Variants in HIPK2 observed in about 807,000 individuals in gnomAD.
HIPK2 encodes the protein homeodomain interacting protein kinase 2.
Under a neutral mutation model 113.7 loss-of-function variants are expected in HIPK2, and 27 were observed. The observed-to-expected ratio is 0.24, with a 90% CI of 0.17 to 0.33. The LOEUF (loss-of-function observed/expected upper bound fraction) is 0.33, where lower values mean the gene tolerates loss of function less well. Ranked by LOEUF, HIPK2 falls within the 10% of genes least tolerant of loss-of-function variation. HIPK2 has a pLI of 1.00. For synonymous variants in HIPK2, 631 were observed against 642.2 expected, an observed-to-expected ratio of 0.98 and a Z score of 0.26; for missense variants, 1,257 against 1,588.0, an observed-to-expected ratio of 0.79 and a Z score of 3.54.
chr7:139,712,290 G>A (rs1375284902), intron 2 of HIPK2, among the ~76,000 whole-genome samples: 1 of 152,190 alleles, frequency 6.6e-6, no homozygotes, highest in Non-Finnish European at 1.5e-5. Context: ...TTGGCTCCGG[G>A]GACACCACCT....
At chr7:139,776,869 GTTC>G (rs1445504199) in intron 1 of HIPK2, among the ~76,000 whole-genome samples, 1 of 152,100 alleles carries the variant, frequency 6.6e-6, no homozygotes, top group African/African-American at 2.4e-5. Context: ...TCTGCCTTGC[GTTC>G]TTTTCTTTCT....
intron 2 of HIPK2, among the ~76,000 whole-genome samples, chr7:139,664,073 C>T (rs771465340): frequency 3.3e-5 from 5 of 152,248 alleles, no homozygotes; most frequent in African/African-American, 7.2e-5. Flanking sequence ...TTGGTCATCT[C>T]GCTTCAGCGT....
rs549262737 is a variant in HIPK2, at chr7:139,604,106, C to T, written c.2230G>A (p.Gly744Ser). The T allele has an allele frequency of 6.2e-7, 1 of 1,613,974 alleles. No homozygotes were observed. The highest frequency in any genetic ancestry group is 1.3e-5 in the African/African-American group (1 of 75,044). ...CTCCAGTCCGCCAGCTGCTGGGTGCCTGCCATGGTCTCGGGAATCACGGTG... is the reference window on the plus strand; with the variant it reads ...CTCCAGTCCGCCAGCTGCTGGGTGCTTGCCATGGTCTCGGGAATCACGGTG... The part of the protein sequence containing the change: ...HATVIPETMA[G>S]TQQLADWRNT... Residue 744 changes from glycine to serine, a missense_variant, in exon 10 of 15, where the codon GGC (glycine) becomes AGC (serine). Coordinates refer to ENST00000406875, the MANE Select transcript of HIPK2 (RefSeq NM_022740.5).
intron 1 of HIPK2, among the ~76,000 whole-genome samples, chr7:139,725,657 G>T (rs954169045): frequency 2.6e-5 from 4 of 152,116 alleles, no homozygotes; most frequent in Non-Finnish European, 4.4e-5. Flanking sequence ...TTCTCCTTTC[G>T]CCTTCTCTCT....
At position 139,731,304 on chromosome 7, in the gene HIPK2, C is replaced by T. The variant is rs118130945; in HGVS notation, c.20-14289G>A. Among the ~76,000 whole-genome samples the T allele has an allele frequency of 1.2e-3, 183 of 152,336 alleles. 2 individuals carry two copies. The East Asian group carries it at 0.029, about 24-fold the overall frequency. ...AGAAGCATCTACAGCTTTACTCCCA[C>T]GTTTTAGTCTTAATTCCTGCCAGGG... On this transcript the variant is annotated intron_variant, in intron 1 of 14. Coordinates refer to ENST00000406875, the MANE Select transcript of HIPK2 (RefSeq NM_022740.5).
At chr7:139,589,991 G>C (rs1040189763) in intron 12 of HIPK2, among the ~76,000 whole-genome samples, 1 of 152,174 alleles carries the variant, frequency 6.6e-6, no homozygotes, top group African/African-American at 2.4e-5. Context: ...AGAAAGCTCT[G>C]CGCTCTACCT....
intron 2 of HIPK2, among the ~76,000 whole-genome samples, chr7:139,704,478 T>C (rs1240138243): frequency 2.2e-5 from 3 of 135,924 alleles, no homozygotes; most frequent in Non-Finnish European, 4.7e-5. Flanking sequence ...ACCCAACACA[T>C]GCTACATGTG....
chr7:139,677,336 G>A (rs187852858), intron 2 of HIPK2, among the ~76,000 whole-genome samples: 10 of 151,946 alleles, frequency 6.6e-5, no homozygotes, highest in African/African-American at 2.2e-4. Context: ...CTTCTAGCTG[G>A]GTAAAGTGAC....
At chr7:139,668,817 T>TA (rs1383293113) in intron 2 of HIPK2, among the ~76,000 whole-genome samples, 1 of 152,230 alleles carries the variant, frequency 6.6e-6, no homozygotes, top group Non-Finnish European at 1.5e-5. Flanking sequence ...TTAGTTGAGA[T>TA]AAAATCCAGC....
intron 2 of HIPK2, among the ~76,000 whole-genome samples, chr7:139,681,829 G>C (rs902149196): frequency 1.3e-5 from 2 of 152,174 alleles, no homozygotes; most frequent in Non-Finnish European, 2.9e-5. Context: ...AAGGTCTGAT[G>C]TTCTCTGAGC....
At chr7:139,679,166 C>A (rs28508100) in intron 2 of HIPK2, among the ~76,000 whole-genome samples, 1 of 152,076 alleles carries the variant, frequency 6.6e-6, no homozygotes, top group African/African-American at 2.4e-5. Flanking sequence ...TTTCTCTTGC[C>A]GGATTGCCCT....
intron 2 of HIPK2, among the ~76,000 whole-genome samples, chr7:139,690,356 A>T (rs1794365907): frequency 6.6e-6 from 1 of 152,126 alleles, no homozygotes; most frequent in Non-Finnish European, 1.5e-5. Flanking sequence ...TGGCTTCCCT[A>T]TGCTACAGTT....
Position 139,600,437 on chromosome 7 carries a change from C to G in HIPK2, c.2415G>C (p.Lys805Asn), listed in dbSNP as rs1799381693. 3 of 1,613,564 alleles carry G rather than the reference C, an allele frequency of 1.9e-6. No homozygotes were observed. The highest frequency in any genetic ancestry group is 2.5e-6 in the Non-Finnish European group (3 of 1,179,856). ...CCTACCTCACAGATGACTGGTGCTGCTTACTCTTCCGGGAGGAGGTGGTGC... is the reference window on the plus strand; with the variant it reads ...CCTACCTCACAGATGACTGGTGCTGGTTACTCTTCCGGGAGGAGGTGGTGC... ...PTSTTSSRKS[K>N]QHQSSVRNVS... Residue 805 changes from lysine to asparagine, a missense_variant, in exon 11 of 15, where the codon AAG (lysine) becomes AAC (asparagine). Physicochemically the swap from Lys to Asn is moderately conservative, Grantham distance 94. Around this residue, in one of 5 missense-constraint regions of HIPK2, gnomAD observed 862 missense variants for 1,004.3 expected, o/e 0.86. Transcript: ENST00000406875.
intron 2 of HIPK2, among the ~76,000 whole-genome samples, chr7:139,686,878 C>T (rs1413423070): frequency 1.3e-5 from 2 of 152,214 alleles, no homozygotes; most frequent in South Asian, 2.1e-4. Context: ...GCATCACATG[C>T]TACAGAGAAC....
At chr7:139,623,763 C>T (rs62491683) in intron 6 of HIPK2, among the ~76,000 whole-genome samples, 1 of 152,054 alleles carries the variant, frequency 6.6e-6, no homozygotes, top group Admixed American at 6.5e-5. Context: ...CAGAAAGGGG[C>T]GGGTCCAGCC....
chr7:139,583,768 A>G (rs1798744191), intron 13 of HIPK2, 49 bp downstream of exon 13: 1 of 1,581,250 alleles, frequency 6.3e-7, no homozygotes, highest in Non-Finnish European at 8.6e-7. Flanking sequence ...AAAAGCAGGA[A>G]AACCACTCTC....
intron 2 of HIPK2, among the ~76,000 whole-genome samples, chr7:139,632,670 CCA>C (rs1800657712): frequency 1.3e-5 from 2 of 152,120 alleles, no homozygotes; most frequent in Non-Finnish European, 2.9e-5. Context: ...ACTAAAGAGA[CCA>C]CCCAGGTACA....
intron 2 of HIPK2, among the ~76,000 whole-genome samples, chr7:139,667,474 C>T (rs987776631): frequency 1.3e-5 from 2 of 152,164 alleles, no homozygotes; most frequent in East Asian, 1.9e-4. Flanking sequence ...GAACTGTACA[C>T]ATACATAGTT....
chr7:139,636,229 C>T (rs1413615986), intron 2 of HIPK2, among the ~76,000 whole-genome samples: 1 of 151,942 alleles, frequency 6.6e-6, no homozygotes, highest in Non-Finnish European at 1.5e-5. Context: ...GCTTGCTCCC[C>T]ATATCTGTCC....
Sources: gnomAD v4.1 joint callset for allele counts (sites outside exome capture counted in the v4.1 genomes callset) on GRCh38, gnomAD v4.1.1 for gene constraint, gnomAD v4.1.1 regional missense constraint, MANE v1.5 for transcripts, NCBI Gene and HGNC (gene_info 2026-07-23, HGNC 2026-07-21) for gene names.